Variants in SORCS3 observed in about 807,000 individuals in gnomAD.
SORCS3 encodes sortilin related VPS10 domain containing receptor 3, also known as VPS10 domain-containing receptor SorCS3.
Under a neutral mutation model 146.3 loss-of-function variants are expected in SORCS3, and 57 were observed. The ratio of observed to expected loss-of-function variants is 0.39; its 90% confidence interval spans 0.31 to 0.49. SORCS3 has a LOEUF of 0.49. Ranked by LOEUF, SORCS3 falls within the 20% of genes least tolerant of loss-of-function variation. The pLI is 0.92. For missense variants in SORCS3, 1,341 were observed against 1,575.5 expected (o/e 0.85, Z 2.52); for synonymous variants, 653 against 618.5 (o/e 1.06, Z -0.83).
intron 2 of SORCS3, among the ~76,000 whole-genome samples, chr10:104,862,205 G>A (rs1264843030): frequency 6.6e-6 from 1 of 152,168 alleles, no homozygotes; most frequent in Non-Finnish European, 1.5e-5. Context: ...TTAACCGGGA[G>A]CTCAAGATTT....
chr10:105,162,313 C>T (rs1397889161), intron 11 of SORCS3, among the ~76,000 whole-genome samples: 1 of 152,138 alleles, frequency 6.6e-6, no homozygotes, highest in African/African-American at 2.4e-5. Flanking sequence ...TCTTCTTCTC[C>T]ATCTCACTCT....
chr10:104,968,407 C>T lies in SORCS3; in HGVS notation c.796-8928C>T, dbSNP rs147486400. On this transcript the variant is annotated intron_variant, in intron 3 of 26. Coordinates refer to ENST00000369701, the MANE Select transcript of SORCS3 (RefSeq NM_014978.3). ...CTGGGGTTACAGGCATGAGCCACCG[C>T]GCCCGGCCTTGAGCAACTTTCTGTT... 3.0e-3 allele frequency among the ~76,000 whole-genome samples: 450 copies of T among 152,312 alleles called. 1 individual carries two copies. The highest frequency in any genetic ancestry group is 4.6e-3 in the Non-Finnish European group (316 of 68,028).
At chr10:105,054,960 T>G (rs1164310721) in intron 5 of SORCS3, among the ~76,000 whole-genome samples, 1 of 152,166 alleles carries the variant, frequency 6.6e-6, no homozygotes, top group Non-Finnish European at 1.5e-5. Flanking sequence ...TAAAATATCT[T>G]CCTCCCCATA....
chr10:104,722,319 G>A (rs1182599090), intron 1 of SORCS3, among the ~76,000 whole-genome samples: 1 of 152,164 alleles, frequency 6.6e-6, no homozygotes, highest in African/African-American at 2.4e-5. Context: ...TGCATCCCAG[G>A]GATGAAGCCC....
intron 1 of SORCS3, among the ~76,000 whole-genome samples, chr10:104,775,443 T>A (rs930509651): frequency 1.3e-5 from 2 of 152,170 alleles, no homozygotes; most frequent in Non-Finnish European, 2.9e-5. Context: ...TTGCAAGACA[T>A]CTGTTGACTT....
chr10:104,724,200 G>A (rs1019815125), intron 1 of SORCS3, among the ~76,000 whole-genome samples: 2 of 152,236 alleles, frequency 1.3e-5, no homozygotes, highest in East Asian at 3.9e-4. Flanking sequence ...GCATTTGCTT[G>A]TCTGTAAAGG....
At chr10:105,242,855 TTA>T (rs1393918142) in intron 20 of SORCS3, among the ~76,000 whole-genome samples, 5 of 104,168 alleles carry the variant, frequency 4.8e-5, no homozygotes, top group Non-Finnish European at 5.2e-5. Flanking sequence ...TATATATAAA[TTA>T]TATATATATT....
intron 8 of SORCS3, among the ~76,000 whole-genome samples, chr10:105,140,444 C>T (rs12412723): frequency 0.11 from 16,899 of 152,026 alleles, 1,102 homozygotes; most frequent in Admixed American, 0.17. Context: ...CAAATGGTCC[C>T]TGTCTTCATG....
At chr10:105,005,817 C>T (rs2055091744) in intron 4 of SORCS3, among the ~76,000 whole-genome samples, 1 of 152,196 alleles carries the variant, frequency 6.6e-6, no homozygotes, top group Non-Finnish European at 1.5e-5. Flanking sequence ...CAGACTTGTT[C>T]ATTTAACTAG....
chr10:104,972,222 C>G (rs1342657105), intron 3 of SORCS3, among the ~76,000 whole-genome samples: 1 of 152,120 alleles, frequency 6.6e-6, no homozygotes, highest in East Asian at 1.9e-4. Flanking sequence ...GTGCTCAAAG[C>G]CAGTTTGGAT....
intron 2 of SORCS3, among the ~76,000 whole-genome samples, chr10:104,880,932 C>A: frequency 6.6e-6 from 1 of 152,102 alleles, no homozygotes; most frequent in East Asian, 1.9e-4. Context: ...GAGAAAGACA[C>A]TAATATTTCA....
chr10:105,048,326 C>T (rs565269365), intron 5 of SORCS3, among the ~76,000 whole-genome samples: 37 of 148,070 alleles, frequency 2.5e-4, no homozygotes, highest in Non-Finnish European at 4.5e-4. Flanking sequence ...AAATGTGGCA[C>T]ATATACACCA....
intron 3 of SORCS3, among the ~76,000 whole-genome samples, chr10:104,942,579 A>G (rs2019331657): frequency 6.6e-6 from 1 of 152,254 alleles, no homozygotes; most frequent in South Asian, 2.1e-4. Context: ...AACAAAATAT[A>G]AAGATAACAT....
At chr10:104,895,377 G>C (rs1358872995) in intron 2 of SORCS3, among the ~76,000 whole-genome samples, 1 of 152,154 alleles carries the variant, frequency 6.6e-6, no homozygotes, top group East Asian at 1.9e-4. Context: ...GTGAGTGATA[G>C]CCTCTTTTTG....
At chr10:105,169,202 G>A (rs183201174) in intron 13 of SORCS3, among the ~76,000 whole-genome samples, 1 of 152,036 alleles carries the variant, frequency 6.6e-6, no homozygotes, top group Non-Finnish European at 1.5e-5. Flanking sequence ...CACCAAGTTC[G>A]ATTTCTGTCA....
chr10:105,050,134 C>T (rs1420037375), intron 5 of SORCS3, among the ~76,000 whole-genome samples: 1 of 151,998 alleles, frequency 6.6e-6, no homozygotes, highest in African/African-American at 2.4e-5. Flanking sequence ...CCACCTGTAA[C>T]ATATGGCAGT....
intron 1 of SORCS3, among the ~76,000 whole-genome samples, chr10:104,760,409 C>A (rs1271991491): frequency 3.3e-5 from 5 of 152,158 alleles, no homozygotes; most frequent in African/African-American, 9.7e-5. Flanking sequence ...GCAACCTCTG[C>A]TAGCCAGGGT....
chr10:104,882,222 A>G (rs574600395), intron 2 of SORCS3, among the ~76,000 whole-genome samples: 2 of 152,302 alleles, frequency 1.3e-5, no homozygotes, highest in South Asian at 4.1e-4. Context: ...TTCTTAATCC[A>G]TCTTGGAATG....
At chr10:104,762,258 C>G (rs1296738864) in intron 1 of SORCS3, among the ~76,000 whole-genome samples, 1 of 152,140 alleles carries the variant, frequency 6.6e-6, no homozygotes, top group African/African-American at 2.4e-5. Flanking sequence ...TTGTGGTGTG[C>G]TGGTCAATGT....
Sources: gnomAD v4.1 joint callset for allele counts (sites outside exome capture counted in the v4.1 genomes callset) on GRCh38, gnomAD v4.1.1 for gene constraint, MANE v1.5 for transcripts, NCBI Gene and HGNC (gene_info 2026-07-23, HGNC 2026-07-21) for gene names.